SGPL1: variants seen among roughly 807,000 people sequenced by gnomAD.
The protein encoded by SGPL1 is SP-lyase 1.
A neutral mutation model predicts 68.9 loss-of-function variants in SGPL1; 37 were observed. The observed-to-expected ratio is 0.54, with a 90% CI of 0.41 to 0.71. The LOEUF (loss-of-function observed/expected upper bound fraction) is 0.71, where lower values mean the gene tolerates loss of function less well. Ranked by LOEUF, SGPL1 falls within the 30% of genes least tolerant of loss-of-function variation. SGPL1 has a pLI of 0.00. For missense variants in SGPL1, 551 were observed against 704.6 expected (o/e 0.78, Z 2.47); for synonymous variants, 236 against 248.5 (o/e 0.95, Z 0.47).
chr10:70,857,490 T>G, intron 5 of SGPL1, 124 bp from the exon 6 acceptor site: 1 of 700,036 alleles, frequency 1.4e-6, no homozygotes, highest in Non-Finnish European at 2.5e-6. Flanking sequence ...AGAATGCTGT[T>G]GGGTTTCCAC....
intron 2 of SGPL1, among the ~76,000 whole-genome samples, chr10:70,836,701 AAGTAGCTGGGACTAC>A (rs780829754): frequency 2.5e-4 from 38 of 152,070 alleles, no homozygotes; most frequent in Non-Finnish European, 2.9e-4. Context: ...TTAGCCTGCC[AAGTAGCTGGGACTAC>A]AGGAGTGTGC....
At chr10:70,840,970 A>G (rs1845703584) in intron 2 of SGPL1, among the ~76,000 whole-genome samples, 1 of 152,172 alleles carries the variant, frequency 6.6e-6, no homozygotes. Flanking sequence ...TGAATTAGGA[A>G]TTAGTATCAC....
intron 4 of SGPL1, among the ~76,000 whole-genome samples, chr10:70,853,861 C>G (rs1484256934): frequency 1.3e-5 from 2 of 152,192 alleles, no homozygotes; most frequent in East Asian, 3.8e-4. Context: ...CCTGGCAGTT[C>G]TTAGAATGCC....
At chr10:70,872,840 C>G (rs567563589) in intron 11 of SGPL1, among the ~76,000 whole-genome samples, 1 of 152,076 alleles carries the variant, frequency 6.6e-6, no homozygotes, top group South Asian at 2.1e-4. Context: ...ATAAGGAAAC[C>G]AGTTACATAG....
At chr10:70,834,451 A>C (rs1845593364) in intron 2 of SGPL1, among the ~76,000 whole-genome samples, 1 of 152,226 alleles carries the variant, frequency 6.6e-6, no homozygotes, top group Non-Finnish European at 1.5e-5. Flanking sequence ...ATTGGACTAT[A>C]GGTGGTCTCT....
chr10:70,820,866 T>C (rs1215234245), intron 2 of SGPL1, among the ~76,000 whole-genome samples: 1 of 152,254 alleles, frequency 6.6e-6, no homozygotes, highest in Non-Finnish European at 1.5e-5. Context: ...CATAGTGTTA[T>C]AATCTTTAAA....
intron 7 of SGPL1, among the ~76,000 whole-genome samples, chr10:70,863,796 C>T (rs2131924869): frequency 6.6e-6 from 1 of 152,242 alleles, no homozygotes; most frequent in South Asian, 2.1e-4. Flanking sequence ...TTTTTCTTTT[C>T]TCTTTTGCAG....
intron 7 of SGPL1, among the ~76,000 whole-genome samples, chr10:70,867,370 C>T (rs1339673731): frequency 6.6e-6 from 1 of 152,152 alleles, no homozygotes; most frequent in African/African-American, 2.4e-5. Flanking sequence ...TGAGACCAGC[C>T]TGGCCAACAT....
intron 9 of SGPL1, 28 bp from the exon 10 acceptor site, chr10:70,871,020 C>A: frequency 6.3e-7 from 1 of 1,581,604 alleles, no homozygotes; most frequent in Non-Finnish European, 8.7e-7. Flanking sequence ...CATAGATTCT[C>A]ATTTTCCTTT....
rs545675350 is a variant in SGPL1, at chr10:70,819,275, G to C, written c.27+2395G>C. ...TAGGAGTGTTGCTTTGCTTGTTGCT[G>C]TAAGGAATTAATCCACATAGATGCG... On this transcript the variant is annotated intron_variant, in intron 2 of 14. Coordinates refer to ENST00000373202, the MANE Select transcript of SGPL1 (RefSeq NM_003901.4). Among the ~76,000 whole-genome samples the C allele has an allele frequency of 3.3e-5, 5 of 152,192 alleles. No homozygotes were observed. The South Asian group carries it at 6.2e-4, about 19-fold the overall frequency.
chr10:70,863,589 A>G (rs1846123682), intron 7 of SGPL1, among the ~76,000 whole-genome samples: 1 of 152,096 alleles, frequency 6.6e-6, no homozygotes, highest in African/African-American at 2.4e-5. Flanking sequence ...CTTCCAGAGA[A>G]GATTTGTCAT....
At chr10:70,816,250 G>A (rs1336517514) in intron 1 of SGPL1, 124 bp downstream of exon 1, 2 of 128,544 alleles carry the variant, frequency 1.6e-5, no homozygotes, top group Admixed American at 7.5e-5. Context: ...GCTGCGGCCG[G>A]GGCGGGGGCG....
intron 2 of SGPL1, among the ~76,000 whole-genome samples, chr10:70,835,431 T>G (rs1845609702): frequency 1.3e-5 from 2 of 152,308 alleles, no homozygotes; most frequent in South Asian, 4.1e-4. Flanking sequence ...ACTGGAAACG[T>G]GGCACATTAG....
chr10:70,860,255 A>G (rs1846028654), intron 7 of SGPL1: 10 of 386,780 alleles, frequency 2.6e-5, no homozygotes, highest in Admixed American at 2.6e-4. Context: ...ATTTAACTCA[A>G]TATGCTGCAA....
At chr10:70,846,996 T>C (rs1845801685) in intron 3 of SGPL1, among the ~76,000 whole-genome samples, 1 of 152,200 alleles carries the variant, frequency 6.6e-6, no homozygotes, top group African/African-American at 2.4e-5. Flanking sequence ...TAGGTTCTGA[T>C]ACTTATCTGC....
chr10:70,828,468 TG>T (rs1345813266), intron 2 of SGPL1, among the ~76,000 whole-genome samples: 1 of 152,224 alleles, frequency 6.6e-6, no homozygotes, highest in African/African-American at 2.4e-5. Flanking sequence ...GCTGCGATTA[TG>T]GGTGTGAGCC....
At chr10:70,847,554 T>C (rs1185246172) in intron 3 of SGPL1, among the ~76,000 whole-genome samples, 1 of 152,200 alleles carries the variant, frequency 6.6e-6, no homozygotes, top group Non-Finnish European at 1.5e-5. Context: ...ATCTTACTAC[T>C]GAAGGATACC....
intron 12 of SGPL1, 81 bp downstream of exon 12, chr10:70,873,670 TC>T: frequency 9.7e-7 from 1 of 1,034,128 alleles, no homozygotes; most frequent in Non-Finnish European, 1.5e-6. Flanking sequence ...TGGCTAAGTA[TC>T]CATAGCCCTA....
chr10:70,855,069 A>G (rs1448032408), intron 5 of SGPL1, among the ~76,000 whole-genome samples: 1 of 152,236 alleles, frequency 6.6e-6, no homozygotes, highest in Non-Finnish European at 1.5e-5. Context: ...AGACAGTGGA[A>G]CTTGGCTTTT....
Sources: allele counts gnomAD v4.1 joint callset (sites outside exome capture counted in the v4.1 genomes callset), GRCh38; gene constraint gnomAD v4.1.1; transcripts MANE v1.5; gene names NCBI Gene and HGNC (gene_info 2026-07-23, HGNC 2026-07-21).